The following SORCS2 variants were observed in gnomAD, a reference collection of about 807,000 sequenced individuals.
SORCS2 encodes the protein sortilin related VPS10 domain containing receptor 2, also known as VPS10 domain-containing receptor SorCS2.
A neutral mutation model predicts 141.6 loss-of-function variants in SORCS2; 100 were observed. The ratio of observed to expected loss-of-function variants is 0.71; its 90% CI spans 0.60 to 0.83. The LOEUF (loss-of-function observed/expected upper bound fraction) is 0.83. Among genes scored for constraint, SORCS2 ranks in the 40% least tolerant of loss-of-function variants. The pLI, the probability that SORCS2 is intolerant of heterozygous loss-of-function variation, is 0.00. For missense variants in SORCS2, 1,646 were observed against 1,560.2 expected (o/e 1.05, Z -0.93); for synonymous variants, 789 against 676.9 (o/e 1.17, Z -2.57).
At chr4:7,557,593 G>T (rs1714231297) in intron 3 of SORCS2, among the ~76,000 whole-genome samples, 1 of 152,218 alleles carries the variant, frequency 6.6e-6, no homozygotes, top group Non-Finnish European at 1.5e-5. Flanking sequence ...TTATCATAGT[G>T]ATCATCACTG....
At chr4:7,724,139 G>C (rs56232151) in intron 19 of SORCS2, among the ~76,000 whole-genome samples, 1 of 99,622 alleles carries the variant, frequency 1.0e-5, no homozygotes, top group East Asian at 3.9e-4. Context: ...GGTGGTGGTG[G>C]TGATGGTCGT....
chr4:7,724,139 G>GTGA (rs551909706), intron 19 of SORCS2, among the ~76,000 whole-genome samples: 1 of 99,622 alleles, frequency 1.0e-5, no homozygotes, highest in African/African-American at 3.3e-5. Flanking sequence ...GGTGGTGGTG[G>GTGA]TGATGGTCGT....
intron 24 of SORCS2, 98 bp downstream of exon 24, chr4:7,733,519 TC>T: frequency 1.0e-6 from 1 of 972,082 alleles, no homozygotes. Context: ...ATGGCCCGTA[TC>T]CCCCTCCTGG....
chr4:7,517,161 C>T (rs933868677), intron 2 of SORCS2, among the ~76,000 whole-genome samples: 26 of 152,312 alleles, frequency 1.7e-4, no homozygotes, highest in African/African-American at 5.8e-4. Context: ...ACTGAGGACA[C>T]GCATGGTGAT....
At chr4:7,379,334 C>T (rs1026204419) in intron 1 of SORCS2, among the ~76,000 whole-genome samples, 1 of 152,158 alleles carries the variant, frequency 6.6e-6, no homozygotes, top group Admixed American at 6.5e-5. Flanking sequence ...GCAGGGCTGC[C>T]TTGGGGAGCA....
intron 2 of SORCS2, among the ~76,000 whole-genome samples, chr4:7,437,731 A>G (rs1210129180): frequency 1.3e-5 from 2 of 151,788 alleles, no homozygotes; most frequent in Non-Finnish European, 2.9e-5. Flanking sequence ...TTTTTATCCC[A>G]TGGCGGGGAT....
At chr4:7,529,947 G>A (rs1300648333) in intron 2 of SORCS2, among the ~76,000 whole-genome samples, 1 of 152,214 alleles carries the variant, frequency 6.6e-6, no homozygotes, top group Non-Finnish European at 1.5e-5. Flanking sequence ...GCCCCTGGGA[G>A]TTAGAGGGCT....
At chr4:7,491,315 G>A (rs1452376159) in intron 2 of SORCS2, among the ~76,000 whole-genome samples, 1 of 152,174 alleles carries the variant, frequency 6.6e-6, no homozygotes. Context: ...GTGGTGCTGG[G>A]TGGCCCTGAG....
chr4:7,565,350 A>G (rs1335216356), intron 3 of SORCS2, among the ~76,000 whole-genome samples: 1 of 152,178 alleles, frequency 6.6e-6, no homozygotes, highest in Non-Finnish European at 1.5e-5. Context: ...TGATGAGGAT[A>G]ATGCAGATGG....
chr4:7,393,096 G>A (rs868190050), intron 1 of SORCS2, among the ~76,000 whole-genome samples: 1 of 152,146 alleles, frequency 6.6e-6, no homozygotes, highest in African/African-American at 2.4e-5. Context: ...GGGGTGATGC[G>A]TGCATCCTGA....
intron 1 of SORCS2, among the ~76,000 whole-genome samples, chr4:7,390,844 T>G (rs918879238): frequency 6.6e-6 from 1 of 152,176 alleles, no homozygotes; most frequent in Non-Finnish European, 1.5e-5. Flanking sequence ...TTGAACAGAT[T>G]TCATGATGTT....
chr4:7,454,465 C>T (rs1286694482), intron 2 of SORCS2, among the ~76,000 whole-genome samples: 10 of 92,682 alleles, frequency 1.1e-4, no homozygotes, highest in African/African-American at 1.7e-4. Context: ...TAATGCGCCA[C>T]GTTAGGGTCA....
At chr4:7,690,442 A>G (rs1045681742) in intron 11 of SORCS2, among the ~76,000 whole-genome samples, 2 of 150,082 alleles carry the variant, frequency 1.3e-5, no homozygotes, top group Non-Finnish European at 3.0e-5. Context: ...GGGTGGATGG[A>G]TGGATGGATG....
chr4:7,220,280 G>A (rs539492916), intron 1 of SORCS2, among the ~76,000 whole-genome samples: 44 of 152,176 alleles, frequency 2.9e-4, no homozygotes, highest in Admixed American at 1.0e-3. Context: ...AGGGGGTGGG[G>A]GACGGCCACC....
At chr4:7,726,438 G>A (rs1727223321) in intron 20 of SORCS2, among the ~76,000 whole-genome samples, 1 of 152,112 alleles carries the variant, frequency 6.6e-6, no homozygotes, top group Admixed American at 6.5e-5. Context: ...CTGGGCATGG[G>A]GGTGCATACA....
chr4:7,637,738 T>C (rs1720363397), intron 3 of SORCS2, among the ~76,000 whole-genome samples: 1 of 151,476 alleles, frequency 6.6e-6, no homozygotes, highest in Non-Finnish European at 1.5e-5. Flanking sequence ...CATGCATGCA[T>C]GAATGGATGG....
At chr4:7,499,683 C>T (rs1731840750) in intron 2 of SORCS2, among the ~76,000 whole-genome samples, 1 of 140,648 alleles carries the variant, frequency 7.1e-6, no homozygotes. Flanking sequence ...CCCAGCTGAG[C>T]CATGCCCCGG....
chr4:7,269,635 A>C (rs1714984468), intron 1 of SORCS2, among the ~76,000 whole-genome samples: 1 of 152,202 alleles, frequency 6.6e-6, no homozygotes, highest in African/African-American at 2.4e-5. Context: ...TCCCCAAGCC[A>C]AGGTATGCCA....
intron 5 of SORCS2, among the ~76,000 whole-genome samples, chr4:7,658,326 A>G (rs1236293809): frequency 2.0e-5 from 3 of 150,804 alleles, no homozygotes; most frequent in Non-Finnish European, 2.9e-5. Context: ...TGACTGGGTG[A>G]GTGGGTGAAT....
Sources: allele counts gnomAD v4.1 joint callset (sites outside exome capture counted in the v4.1 genomes callset), GRCh38; gene constraint gnomAD v4.1.1; transcripts MANE v1.5; gene names NCBI Gene and HGNC (gene_info 2026-07-23, HGNC 2026-07-21).